The following CELSR1 variants were observed in gnomAD, a reference collection of about 807,000 sequenced individuals.
CELSR1 encodes adhesion G protein-coupled receptor C1.
CELSR1 carries 110 observed loss-of-function variants against 249.1 expected under a neutral mutation model. That is an observed-to-expected ratio of 0.44 (90% CI 0.38 to 0.52). The LOEUF is 0.52. Ranked by LOEUF, CELSR1 falls within the 20% of genes least tolerant of loss-of-function variation. CELSR1 has a pLI of 0.00. For synonymous variants in CELSR1, 2,113 were observed against 1,900.0 expected, an observed-to-expected ratio of 1.11 and a Z score of -2.92; for missense variants, 4,109 against 4,296.4, an observed-to-expected ratio of 0.96 and a Z score of 1.22.
rs914538990 is a variant in CELSR1, at chr22:46,395,376, C to T, written c.5844-1114G>A. On this transcript the variant is annotated intron_variant, in intron 13 of 34. Transcript: ENST00000674500. The surrounding 1 kb of genome is among the most constrained non-coding windows in gnomAD (Gnocchi z 5.5). ...CCACACAGCCGAATTCTGTTCCTGG[C>T]TTGCGGGCCCACCTCTGTCCCCACC... Among the ~76,000 whole-genome samples the T allele has an allele frequency of 1.3e-5, 2 of 152,140 alleles. No individual in the cohort carries two copies. Among genetic ancestry groups the T allele is most frequent in the African/African-American group, 4.8e-5 (2 of 41,440 alleles).
intron 5 of CELSR1, among the ~76,000 whole-genome samples, chr22:46,424,725 C>A (rs1315729399): frequency 1.3e-5 from 2 of 152,216 alleles, no homozygotes; most frequent in Non-Finnish European, 2.9e-5. Flanking sequence ...GTAATCCCAA[C>A]ACTTTGGAAG....
rs1174191961 is a variant in CELSR1, at chr22:46,423,466, G to A, written c.4611+9927C>T. On this transcript the variant is annotated intron_variant, in intron 5 of 34. Coordinates refer to ENST00000674500, the MANE Select transcript of CELSR1 (RefSeq NM_001378328.1). This position sits in a 1 kb window ranked among gnomAD's most constrained non-coding sequence, Gnocchi z 5.6. ...ACTAAAAATACAAAATTAGCCGGGC[G>A]TGGTGGTGCAGGCCTGTAATCCCAC... Among the ~76,000 whole-genome samples, 3 of 152,112 alleles carry A rather than the reference G, an allele frequency of 2.0e-5. No homozygotes were observed. Among genetic ancestry groups the A allele is most frequent in the South Asian group, 4.2e-4 (2 of 4,808 alleles).
At chr22:46,405,062 T>G (rs978528947) in intron 9 of CELSR1, among the ~76,000 whole-genome samples, 1 of 151,612 alleles carries the variant, frequency 6.6e-6, no homozygotes, top group Non-Finnish European at 1.5e-5. Context: ...TGACCTCAGG[T>G]GATCCACCCG....
Position 46,391,492 on chromosome 22 carries a change from T to C in CELSR1, c.6148+141A>G. On this transcript the variant is annotated intron_variant, in intron 15 of 34. Coordinates refer to ENST00000674500, the MANE Select transcript of CELSR1 (RefSeq NM_001378328.1). The surrounding 1 kb of genome is among the most constrained non-coding windows in gnomAD (Gnocchi z 4.3). ...CCACACCCCCTCACGCAGAACCAGG[T>C]TTCTAGAAGGTCAAGAGAACTCAGA... 9.2e-7 allele frequency: 1 copy of C among 1,082,588 alleles called. No individual in the cohort carries two copies. The highest frequency in any genetic ancestry group is 2.6e-5 in the East Asian group (1 of 38,450). 67.1% of individuals were successfully genotyped at this position (1,082,588 alleles called of 1,614,324 possible).
intron 1 of CELSR1, among the ~76,000 whole-genome samples, chr22:46,515,785 T>C (rs1464209399): frequency 6.6e-6 from 1 of 152,172 alleles, no homozygotes; most frequent in Non-Finnish European, 1.5e-5. Context: ...GGCAGGAGGA[T>C]ACACCAGGAC....
chr22:46,394,963 G>C (rs1002323799), intron 13 of CELSR1, among the ~76,000 whole-genome samples: 1 of 152,210 alleles, frequency 6.6e-6, no homozygotes, highest in African/African-American at 2.4e-5. Flanking sequence ...CACCTGCGCA[G>C]TCACCTGAAG....
chr22:46,390,266 G>A lies in CELSR1; in HGVS notation c.6345+126C>T. 1.3e-6 allele frequency: 1 copy of A among 763,606 alleles called. No homozygotes were observed. The highest frequency in any genetic ancestry group is 2.8e-5 in the Admixed American group (1 of 35,712). The allele number at this position is 763,606 out of a possible 1,614,324, so 47.3% of individuals were successfully genotyped here. ...CTCCAGGCTGCGGGCCCGTGGGGCT[G>A]TCCCTGCGCCATCCCAGCCGCCCCA... is the stretch of plus-strand genomic sequence containing the variant. On this transcript the variant is annotated intron_variant, in intron 17 of 34. Coordinates refer to ENST00000674500, the MANE Select transcript of CELSR1 (RefSeq NM_001378328.1). The surrounding 1 kb of genome is among the most constrained non-coding windows in gnomAD (Gnocchi z 6.3).
chr22:46,459,820 A>G (rs1003987933), intron 2 of CELSR1, among the ~76,000 whole-genome samples: 4 of 152,198 alleles, frequency 2.6e-5, no homozygotes, highest in Non-Finnish European at 5.9e-5. Context: ...CCATTATAAA[A>G]TGGGATCATA....
At chr22:46,443,737 CCTGCACACCCAG>C (rs1417196500) in intron 2 of CELSR1, among the ~76,000 whole-genome samples, 2 of 152,254 alleles carry the variant, frequency 1.3e-5, no homozygotes, top group Admixed American at 6.5e-5. Context: ...CAGATGCATA[CCTGCACACCCAG>C]CTGCACACTC....
Position 46,386,529 on chromosome 22 carries a change from C to T in CELSR1, c.6612G>A (p.Glu2204=). ...TGCCGCCCTCGCTCCGCTGGATCTGCTCCCACGCCGCCCTGGTGGCTGGGG... is the reference window on the plus strand; with the variant it reads ...TGCCGCCCTCGCTCCGCTGGATCTGTTCCCACGCCGCCCTGGTGGCTGGGG... ...LLAPATRAAW[E]QIQRSEGGTA... Residue 2204 remains glutamate (E), a synonymous_variant, in exon 19 of 35, where the codon GAG becomes GAA. Transcript: ENST00000674500. 1 of 1,597,396 alleles carries T rather than the reference C, an allele frequency of 6.3e-7. No individual in the cohort carries two copies. The highest frequency in any genetic ancestry group is 8.5e-7 in the Non-Finnish European group (1 of 1,173,462).
chr22:46,364,670 T>C lies in CELSR1; in HGVS notation c.8621A>G (p.Glu2874Gly), dbSNP rs1214559539. The C allele has an allele frequency of 6.2e-7, 1 of 1,612,640 alleles. No individual in the cohort carries two copies. Among genetic ancestry groups the C allele is most frequent in the South Asian group, 1.1e-5 (1 of 91,078 alleles). ...PDQSLAESDS[E>G]DPSGKPRLKV... is the part of the protein sequence containing the mutation. ...CAGGCGGGGCTTGCCGCTGGGGTCC[T>C]CACTGTCACTCTCAGCCAGGCTCTG... The change falls in exon 33 of 35, where the codon GAG (glutamate) becomes GGG (glycine). Residue 2874 changes from glutamate to glycine, a missense_variant. Coordinates refer to ENST00000674500, the MANE Select transcript of CELSR1 (RefSeq NM_001378328.1).
At chr22:46,474,229 G>T (rs1304073430) in intron 1 of CELSR1, among the ~76,000 whole-genome samples, 2 of 152,150 alleles carry the variant, frequency 1.3e-5, no homozygotes, top group African/African-American at 4.8e-5. Flanking sequence ...AGTCCTCCTT[G>T]TCCCCATCTG....
In CELSR1 at chr22:46,386,663, C is replaced by G. The variant is rs1186330381; in HGVS notation, c.6556-78G>C. 10 of 1,212,186 alleles carry G rather than the reference C, an allele frequency of 8.2e-6. No individual in the cohort carries two copies. The East Asian group carries it at 1.6e-4, about 20-fold the overall frequency. The allele number at this position is 1,212,186 out of a possible 1,614,324, so 75.1% of individuals were successfully genotyped here. ...GACGGAGGGACACCTGCCCTGAAAGCCTTTGCTTGCCTAGTGGGCTCATTC... is the reference window on the plus strand; with the variant it reads ...GACGGAGGGACACCTGCCCTGAAAGGCTTTGCTTGCCTAGTGGGCTCATTC... On this transcript the variant is annotated intron_variant, in intron 18 of 34. Coordinates refer to ENST00000674500, the MANE Select transcript of CELSR1 (RefSeq NM_001378328.1).
chr22:46,465,586 G>T (rs2147597884), intron 1 of CELSR1, among the ~76,000 whole-genome samples: 1 of 152,352 alleles, frequency 6.6e-6, no homozygotes, highest in Non-Finnish European at 1.5e-5. Flanking sequence ...AGGCACAGCG[G>T]CACGCGGGGA....
rs1295780178 is a variant in CELSR1, at chr22:46,433,437, T to C, written c.4567A>G (p.Ser1523Gly). 6.2e-7 allele frequency: 1 copy of C among 1,613,982 alleles called. No homozygotes were observed. The highest frequency in any genetic ancestry group is 8.5e-7 in the Non-Finnish European group (1 of 1,179,954). The change falls in exon 5 of 35, where the codon AGT becomes GGT. Residue 1523 changes from serine to glycine, a missense_variant. Physicochemically the swap from Ser to Gly is moderately conservative, Grantham distance 56. Around this residue, in one of 7 missense-constraint regions of CELSR1, gnomAD observed 453 missense variants for 492.0 expected, o/e 0.92. Coordinates refer to ENST00000674500, the MANE Select transcript of CELSR1 (RefSeq NM_001378328.1). The surrounding 1 kb of genome is among the most constrained non-coding windows in gnomAD (Gnocchi z 5.7). ...TVAPKVPSGV[S>G]DGRWHSVQVQ... ...TGCACAGAGTGCCACCGCCCGTCAC[T>C]CACACCACTGGGAACCTTCGGTGCC...
At chr22:46,502,032 A>G (rs942441255) in intron 1 of CELSR1, among the ~76,000 whole-genome samples, 3 of 151,920 alleles carry the variant, frequency 2.0e-5, no homozygotes, top group Non-Finnish European at 4.4e-5. Flanking sequence ...TGGGAGGCCA[A>G]AGTAGGAGTA....
intron 32 of CELSR1, 33 bp from the exon 33 acceptor site, chr22:46,364,769 G>A (rs572542680): frequency 2.3e-5 from 37 of 1,588,624 alleles, no homozygotes; most frequent in Non-Finnish European, 2.9e-5. Context: ...AGCAGGCAGC[G>A]GCACTGCCAC....
Position 46,447,704 on chromosome 22 carries a change from C to T in CELSR1, c.4184-8293G>A, listed in dbSNP as rs2079836142. Among the ~76,000 whole-genome samples, 1 of 152,204 alleles carries T rather than the reference C, an allele frequency of 6.6e-6. No individual in the cohort carries two copies. The highest frequency in any genetic ancestry group is 1.5e-5 in the Non-Finnish European group (1 of 68,036). On this transcript the variant is annotated intron_variant, in intron 2 of 34. Coordinates refer to ENST00000674500, the MANE Select transcript of CELSR1 (RefSeq NM_001378328.1). This position sits in a 1 kb window ranked among gnomAD's most constrained non-coding sequence, Gnocchi z 4.7. Reference sequence around the variant, plus strand: ...ATGGTGCGATCTCGGCTCACAACCTCCACCTCCCAGGTTCAAGCGATTCTC... The same window carrying T: ...ATGGTGCGATCTCGGCTCACAACCTTCACCTCCCAGGTTCAAGCGATTCTC...
rs1237608091 is a variant in CELSR1 at position 46,507,772 on chromosome 22, C to T, written c.3544+25855G>A. Reference sequence around the variant, plus strand: ...GAGCCTGTTCAGTGGGGCAGGGGCCCCACTACAGGTGAGCACTGTGAAGCC... The same window carrying T: ...GAGCCTGTTCAGTGGGGCAGGGGCCTCACTACAGGTGAGCACTGTGAAGCC... On this transcript the variant is annotated intron_variant, in intron 1 of 34. Transcript: ENST00000674500. 2.6e-5 allele frequency among the ~76,000 whole-genome samples: 4 copies of T among 152,208 alleles called. No individual in the cohort carries two copies. In the East Asian group the frequency reaches 7.7e-4, roughly 29 times the overall value.
Sources: allele counts gnomAD v4.1 joint callset (sites outside exome capture counted in the v4.1 genomes callset), GRCh38; gene constraint gnomAD v4.1.1; regional missense constraint gnomAD v4.1.1; non-coding constraint Gnocchi (gnomAD v3.1); transcripts MANE v1.5; gene names NCBI Gene and HGNC (gene_info 2026-07-23, HGNC 2026-07-21).